GCC2: variants seen among roughly 807,000 people sequenced by gnomAD.
GCC2 encodes GRIP and coiled-coil domain containing 2.
In GCC2, 120 loss-of-function variants were observed where a neutral mutation model predicts 210.6. The ratio of observed to expected loss-of-function variants is 0.57; its 90% CI spans 0.49 to 0.66. GCC2 has a LOEUF of 0.66. Among genes scored for constraint, GCC2 ranks in the 30% least tolerant of loss-of-function variants. The pLI is 0.00. For missense variants in GCC2, 1,868 were observed against 1,871.9 expected (o/e 1.00, Z 0.04); for synonymous variants, 703 against 652.7 (o/e 1.08, Z -1.17).
intron 4 of GCC2, among the ~76,000 whole-genome samples, chr2:108,463,255 A>G (rs954815683): frequency 6.6e-6 from 1 of 152,106 alleles, no homozygotes. Flanking sequence ...TGGAGATGTC[A>G]TATTTCCATG....
intron 9 of GCC2, among the ~76,000 whole-genome samples, chr2:108,478,976 T>C (rs1343883372): frequency 6.6e-6 from 1 of 152,122 alleles, no homozygotes; most frequent in East Asian, 1.9e-4. Context: ...GAGGATTGCC[T>C]GAGGTCAGGA....
At chr2:108,486,789 T>G in intron 16 of GCC2, 141 bp downstream of exon 16, 1 of 610,830 alleles carries the variant, frequency 1.6e-6, no homozygotes, top group Non-Finnish European at 2.5e-6. Flanking sequence ...TCAGTTAATC[T>G]GGCTTTAACC....
At chr2:108,450,896 G>C in intron 2 of GCC2, 132 bp from the exon 3 acceptor site, 1 of 638,428 alleles carries the variant, frequency 1.6e-6, no homozygotes, top group Non-Finnish European at 2.8e-6. Flanking sequence ...AAAAAATGTG[G>C]AACAAAGTAT....
chr2:108,479,980 CAAAAAAAAAA>C lies in GCC2; in HGVS notation c.3061-1697_3061-1688del, dbSNP rs200934785. Among the ~76,000 whole-genome samples, 34 of 114,544 alleles carry C rather than the reference CAAAAAAAAAA, an allele frequency of 3.0e-4. 1 individual carries two copies. The highest frequency in any genetic ancestry group is 1.0e-3 in the East Asian group (5 of 4,864). 75.1% of individuals were successfully genotyped at this position (114,544 alleles called of 152,430 possible). A position where few individuals can be genotyped will look rare whatever the true frequency, so the allele number is the denominator to read the frequency against. ...CTGGCGACAGAGCGAGACTCCATCTCAAAAAAAAAAAAAAAAAAAAAAAAAAAAACGAAAA... is the reference window on the plus strand; with the variant it reads ...CTGGCGACAGAGCGAGACTCCATCTCAAAAAAAAAAAAAAAAAAACGAAAA... On this transcript the variant is annotated intron_variant, in intron 9 of 22. Transcript: ENST00000309863.
At chr2:108,454,090 A>G (rs1380468389) in intron 4 of GCC2, among the ~76,000 whole-genome samples, 1 of 152,062 alleles carries the variant, frequency 6.6e-6, no homozygotes, top group Non-Finnish European at 1.5e-5. Flanking sequence ...TCCTGGGTTG[A>G]CGCCATTCTC....
At chr2:108,502,655 C>T (rs2438253) in intron 22 of GCC2, among the ~76,000 whole-genome samples, 90,201 of 151,154 alleles carry the variant, frequency 0.6, 27,580 homozygotes, top group East Asian at 0.96. Flanking sequence ...TAAGGCCTGG[C>T]ACGGTGGCTC....
At chr2:108,463,418 T>A (rs1365864483) in intron 4 of GCC2, among the ~76,000 whole-genome samples, 1 of 152,200 alleles carries the variant, frequency 6.6e-6, no homozygotes, top group African/African-American at 2.4e-5. Context: ...GTGGCTTTGA[T>A]TCTAGGTGGG....
At position 108,468,990 on chromosome 2, in the gene GCC2, A is replaced by C; in HGVS notation, c.227A>C (p.Glu76Ala). ...CTTGTTCTAAAATAGGCATTAACTG[A>C]ACGTCTGGATGCTCTTCTTCTGGAA... is the stretch of plus-strand genomic sequence containing the variant. ...GTGDIIKALTERLDALLLEKA... is the reference protein window; with the variant it reads ...GTGDIIKALTARLDALLLEKA... Residue 76 changes from glutamate to alanine, a missense_variant, in exon 5 of 23, where the codon GAA (glutamate) becomes GCA (alanine). Glu to Ala is a moderately radical substitution (Grantham distance 107). Transcript: ENST00000309863. 1 of 1,609,140 alleles carries C rather than the reference A, an allele frequency of 6.2e-7. No individual in the cohort carries two copies. Among genetic ancestry groups the C allele is most frequent in the Non-Finnish European group, 8.5e-7 (1 of 1,175,718 alleles).
chr2:108,453,276 C>A (rs1235302804), intron 4 of GCC2, among the ~76,000 whole-genome samples: 6 of 152,180 alleles, frequency 3.9e-5, no homozygotes, highest in African/African-American at 1.4e-4. Flanking sequence ...TTCTCTGTTT[C>A]CTTTATTCTC....
chr2:108,488,650 G>A (rs1448837590), intron 17 of GCC2, among the ~76,000 whole-genome samples: 2 of 152,054 alleles, frequency 1.3e-5, no homozygotes, highest in Admixed American at 1.3e-4. Flanking sequence ...ATGGTATATT[G>A]TTTATGCTGC....
At chr2:108,461,836 CT>C (rs1200531303) in intron 4 of GCC2, among the ~76,000 whole-genome samples, 236 of 121,132 alleles carry the variant, frequency 1.9e-3, no homozygotes, top group African/African-American at 4.5e-3. Context: ...TTTTCTTTTT[CT>C]TTTTTTTTTT....
chr2:108,467,031 C>T (rs1374244905), intron 4 of GCC2, among the ~76,000 whole-genome samples: 2 of 152,064 alleles, frequency 1.3e-5, no homozygotes, highest in Non-Finnish European at 2.9e-5. Context: ...TTTCTATAGC[C>T]TTAGAGTAAA....
chr2:108,504,204 A>C (rs1429768459), intron 22 of GCC2, among the ~76,000 whole-genome samples: 2 of 152,200 alleles, frequency 1.3e-5, no homozygotes, highest in African/African-American at 4.8e-5. Context: ...TATTTCTTGA[A>C]ACTCTACATA....
At chr2:108,488,749 C>G (rs1026925057) in intron 17 of GCC2, among the ~76,000 whole-genome samples, 3 of 152,106 alleles carry the variant, frequency 2.0e-5, no homozygotes, top group African/African-American at 2.4e-5. Flanking sequence ...GTTCAGTATT[C>G]AAAGCAGTTT....
intron 9 of GCC2, among the ~76,000 whole-genome samples, chr2:108,476,248 C>T (rs1231230665): frequency 2.6e-5 from 4 of 151,698 alleles, no homozygotes; most frequent in East Asian, 3.9e-4. Flanking sequence ...TTAGTAGAGA[C>T]GGGGTTTCAC....
intron 16 of GCC2, 54 bp downstream of exon 16, chr2:108,486,702 T>G (rs1002015772): frequency 5.2e-6 from 8 of 1,548,088 alleles, no homozygotes; most frequent in Admixed American, 1.8e-5. Context: ...TATCAGCTAG[T>G]CATTGGTTTA....
In GCC2 at chr2:108,469,916, A is replaced by G. The variant is rs552450339; in HGVS notation, c.587A>G (p.Glu196Gly). 15 of 1,613,702 alleles carry G rather than the reference A, an allele frequency of 9.3e-6. No individual in the cohort carries two copies. The South Asian group carries it at 1.6e-4, about 18-fold the overall frequency. Residue 196 changes from glutamate (E) to glycine (G), a missense_variant, in exon 6 of 23, where the codon GAG (glutamate) becomes GGG (glycine). Physicochemically the swap from Glu to Gly is moderately conservative, Grantham distance 98. This residue lies in a region of GCC2 where 1,847 missense variants were observed against 1,765.2 expected (regional missense o/e 1.05). Transcript: ENST00000309863. Reference sequence around the variant, plus strand: ...GAGAAAATTAGGCCAGGCTTTGAGGAGCAAATTTTATATCTGCAAAAGCAA... The same window carrying G: ...GAGAAAATTAGGCCAGGCTTTGAGGGGCAAATTTTATATCTGCAAAAGCAA... ...EIEKIRPGFE[E>G]QILYLQKQLD...
Position 108,470,833 on chromosome 2 carries a change from A to G in GCC2, c.1504A>G (p.Ser502Gly). The G allele has an allele frequency of 1.2e-6, 2 of 1,613,844 alleles. No homozygotes were observed. Among genetic ancestry groups the G allele is most frequent in the Non-Finnish European group, 8.5e-7 (1 of 1,179,748 alleles). The change falls in exon 6 of 23, where the codon AGT becomes GGT. Residue 502 changes from serine to glycine, a missense_variant. Physicochemically the swap from Ser to Gly is moderately conservative, Grantham distance 56. Around this residue, in one of 3 missense-constraint regions of GCC2, gnomAD observed 1,847 missense variants for 1,765.2 expected, o/e 1.05. Transcript: ENST00000309863. The part of the protein sequence containing the change: ...TELGESAGKI[S>G]QEFESMKQQQ... ...ACTGGGGGAATCTGCTGGAAAAATA[A>G]GTCAAGAGTTCGAATCAATGAAGCA...
Position 108,485,553 on chromosome 2 carries a change from T to C in GCC2, c.3614-83T>C. On this transcript the variant is annotated intron_variant, in intron 13 of 22. Coordinates refer to ENST00000309863, the MANE Select transcript of GCC2 (RefSeq NM_181453.4). ...TAAAACAGGCTTAAAGACAAGCCAA[T>C]ACAAAGAAGACATATTTGTGTATTT... 3 of 736,478 alleles carry C rather than the reference T, an allele frequency of 4.1e-6. No individual in the cohort carries two copies. The South Asian group carries it at 6.0e-5, about 15-fold the overall frequency. 45.6% of individuals were successfully genotyped at this position (736,478 alleles called of 1,614,324 possible).
Sources: gnomAD v4.1 joint callset for allele counts (sites outside exome capture counted in the v4.1 genomes callset) on GRCh38, gnomAD v4.1.1 for gene constraint, gnomAD v4.1.1 regional missense constraint, MANE v1.5 for transcripts, NCBI Gene and HGNC (gene_info 2026-07-23, HGNC 2026-07-21) for gene names.